Variants in FGF14 observed in about 807,000 individuals in gnomAD.
FGF14 encodes fibroblast growth factor homologous factor 4.
In FGF14, 5 loss-of-function variants were observed where a neutral mutation model predicts 25.5. That is an observed-to-expected ratio of 0.20 (90% CI 0.10 to 0.41). The LOEUF is 0.41. Among genes scored for constraint, FGF14 ranks in the 10% least tolerant of loss-of-function variants. The pLI is 1.00. For missense variants in FGF14, 222 were observed against 320.1 expected (o/e 0.69, Z 2.34); for synonymous variants, 138 against 118.3 (o/e 1.17, Z -1.08).
At chr13:102,143,174 C>A (rs1280740205) in intron 1 of FGF14, among the ~76,000 whole-genome samples, 1 of 152,144 alleles carries the variant, frequency 6.6e-6, no homozygotes, top group Non-Finnish European at 1.5e-5. Flanking sequence ...TAAGAAACAG[C>A]ACGTCTCAAT....
intron 1 of FGF14, among the ~76,000 whole-genome samples, chr13:102,105,404 T>C (rs1417061345): frequency 6.6e-6 from 1 of 152,198 alleles, no homozygotes; most frequent in Non-Finnish European, 1.5e-5. Context: ...ATTTTTTTCA[T>C]GAGGAAACAC....
chr13:102,020,978 G>C (rs1379885312), intron 1 of FGF14, among the ~76,000 whole-genome samples: 1 of 152,024 alleles, frequency 6.6e-6, no homozygotes, highest in African/African-American at 2.4e-5. Context: ...AAGAAGGTTG[G>C]AGGGAGAGTA....
At chr13:102,097,488 C>G (rs1252066160) in intron 1 of FGF14, among the ~76,000 whole-genome samples, 1 of 152,142 alleles carries the variant, frequency 6.6e-6, no homozygotes, top group Non-Finnish European at 1.5e-5. Flanking sequence ...ATCACCTTCC[C>G]TTTTAACAGG....
intron 1 of FGF14, among the ~76,000 whole-genome samples, chr13:102,080,213 A>G (rs1057288259): frequency 7.9e-5 from 12 of 152,172 alleles, no homozygotes; most frequent in African/African-American, 2.9e-4. Context: ...TAGAAGCAAA[A>G]AGACCAGTTA....
At chr13:102,249,869 A>C (rs193067235) in intron 1 of FGF14, among the ~76,000 whole-genome samples, 1 of 152,270 alleles carries the variant, frequency 6.6e-6, no homozygotes, top group African/African-American at 2.4e-5. Context: ...CCTCCTCCTC[A>C]TGAGAAATCT....
chr13:102,004,389 A>C (rs1420847565), intron 1 of FGF14, among the ~76,000 whole-genome samples: 2 of 152,228 alleles, frequency 1.3e-5, no homozygotes, highest in Non-Finnish European at 2.9e-5. Flanking sequence ...TCACCATACC[A>C]TAGACCAAGG....
intron 3 of FGF14, among the ~76,000 whole-genome samples, chr13:101,749,141 G>T (rs1361330517): frequency 6.6e-6 from 1 of 152,090 alleles, no homozygotes; most frequent in Non-Finnish European, 1.5e-5. Context: ...AATTGCGGTT[G>T]CCGGTGGCTA....
chr13:102,286,432 A>G (rs1421214680), intron 1 of FGF14, among the ~76,000 whole-genome samples: 1 of 152,162 alleles, frequency 6.6e-6, no homozygotes, highest in Admixed American at 6.5e-5. Flanking sequence ...ACACTCAGTC[A>G]CATATTTCAT....
rs570460038 is a variant in FGF14, at chr13:101,850,086, C to T, written c.408+18639G>A. On this transcript the variant is annotated intron_variant, in intron 3 of 4. Transcript: ENST00000376143. ...GAAGAAGAGGAAGGGTCAAATAATC[C>T]ATTATCCAAATGCAATGTAAGCAAA... Among the ~76,000 whole-genome samples the T allele has an allele frequency of 9.2e-5, 14 of 151,612 alleles. No homozygotes were observed. In the South Asian group the frequency reaches 2.7e-3, roughly 29 times the overall value.
At chr13:102,002,834 T>A (rs2039571273) in intron 1 of FGF14, 1 of 152,198 alleles carries the variant, frequency 6.6e-6, no homozygotes, top group African/African-American at 2.4e-5. Flanking sequence ...TGCAGAATAT[T>A]CTGCTTATCA....
At chr13:101,938,387 G>C (rs1294402185) in intron 1 of FGF14, among the ~76,000 whole-genome samples, 1 of 152,138 alleles carries the variant, frequency 6.6e-6, no homozygotes, top group East Asian at 1.9e-4. Flanking sequence ...ATGAACATCT[G>C]GTAGAGAATA....
At chr13:101,990,534 G>C (rs1281669159) in intron 1 of FGF14, among the ~76,000 whole-genome samples, 1 of 152,026 alleles carries the variant, frequency 6.6e-6, no homozygotes, top group African/African-American at 2.4e-5. Flanking sequence ...CTTAGTGACG[G>C]CCTCAAAGTT....
At chr13:102,309,115 A>T (rs181914356) in intron 1 of FGF14, among the ~76,000 whole-genome samples, 116 of 135,964 alleles carry the variant, frequency 8.5e-4, no homozygotes, top group African/African-American at 3.1e-3. Flanking sequence ...GCACCCACAC[A>T]AATGCATACA....
intron 1 of FGF14, among the ~76,000 whole-genome samples, chr13:102,101,927 T>C (rs1019624420): frequency 6.6e-6 from 1 of 152,170 alleles, no homozygotes; most frequent in Non-Finnish European, 1.5e-5. Context: ...GGTCTTGAAC[T>C]CCTGACCTCA....
chr13:101,932,330 G>C (rs2139248956), intron 1 of FGF14, among the ~76,000 whole-genome samples: 1 of 152,118 alleles, frequency 6.6e-6, no homozygotes, highest in East Asian at 1.9e-4. Flanking sequence ...AGAAGTTTGT[G>C]ACCAGCCTGG....
intron 1 of FGF14, among the ~76,000 whole-genome samples, chr13:102,256,751 G>C (rs2052459691): frequency 1.3e-5 from 2 of 152,070 alleles, no homozygotes; most frequent in Admixed American, 1.3e-4. Flanking sequence ...TTAACAAATG[G>C]GTGACATTGC....
In FGF14 at chr13:101,971,374, CT is replaced by C. The variant is rs34042855; in HGVS notation, c.209-96079del. Among the ~76,000 whole-genome samples, 380 of 146,382 alleles carry C rather than the reference CT, an allele frequency of 2.6e-3. 3 individuals carry two copies. The highest frequency in any genetic ancestry group is 0.017 in the East Asian group (85 of 5,016). On this transcript the variant is annotated intron_variant, in intron 1 of 4. Transcript: ENST00000376131. ...ATCTCTTCAAGGTCTCAGCATATAA[CT>C]TTTTTTTTTTTTTTGAAATGGGTCT...
At chr13:101,976,750 C>T (rs1249643579) in intron 1 of FGF14, among the ~76,000 whole-genome samples, 3 of 152,126 alleles carry the variant, frequency 2.0e-5, no homozygotes, top group African/African-American at 7.2e-5. Context: ...ATGGCAACAA[C>T]AAAAATATAT....
chr13:101,784,795 T>C (rs1484100989), intron 3 of FGF14, among the ~76,000 whole-genome samples: 3 of 152,158 alleles, frequency 2.0e-5, no homozygotes, highest in African/African-American at 7.2e-5. Flanking sequence ...ACAATAGACA[T>C]ACACTGTTGA....
Sources: gnomAD v4.1 joint callset for allele counts (sites outside exome capture counted in the v4.1 genomes callset) on GRCh38, gnomAD v4.1.1 for gene constraint, MANE v1.5 for transcripts, NCBI Gene and HGNC (gene_info 2026-07-23, HGNC 2026-07-21) for gene names.